NBEA: variants seen among roughly 807,000 people sequenced by gnomAD.
NBEA encodes the protein neurobeachin.
A neutral mutation model predicts 343.4 loss-of-function variants in NBEA; 44 were observed. The observed-to-expected ratio is 0.13, with a 90% CI of 0.10 to 0.16. The LOEUF (loss-of-function observed/expected upper bound fraction) is 0.16. NBEA is among the 10% of genes least tolerant of loss of function. The pLI, the probability that NBEA is intolerant of heterozygous loss-of-function variation, is 1.00. For synonymous variants in NBEA, 1,175 were observed against 1,238.7 expected (o/e 0.95, Z 1.08); for missense variants, 2,555 against 3,631.3 (o/e 0.70, Z 7.62).
intron 36 of NBEA, among the ~76,000 whole-genome samples, chr13:35,342,278 G>A (rs183501310): frequency 5.9e-5 from 9 of 152,174 alleles, no homozygotes; most frequent in South Asian, 2.1e-4. Context: ...TATATAGTTC[G>A]TGGTTCCACA....
rs540310578 is a variant in NBEA, at chr13:35,237,187, T to C, written c.5776+4568T>C. On this transcript the variant is annotated intron_variant, in intron 34 of 58. Coordinates refer to ENST00000379939, the MANE Select transcript of NBEA (RefSeq NM_001385012.1). ...TGGGAGGATTGCTTGAGTGGGAGAT[T>C]GAGGCTGCAGTGAGCCACGATCGTA... 2.8e-4 allele frequency among the ~76,000 whole-genome samples: 43 copies of C among 152,068 alleles called. 1 individual carries two copies. In the South Asian group the frequency reaches 8.1e-3, roughly 29 times the overall value.
At chr13:35,184,904 A>G (rs767219881) in intron 30 of NBEA, among the ~76,000 whole-genome samples, 1 of 152,148 alleles carries the variant, frequency 6.6e-6, no homozygotes, top group Non-Finnish European at 1.5e-5. Context: ...CGCACTCTGC[A>G]AAATTCCTGG....
At chr13:35,306,253 G>A (rs961551391) in intron 35 of NBEA, among the ~76,000 whole-genome samples, 5 of 151,800 alleles carry the variant, frequency 3.3e-5, no homozygotes, top group Admixed American at 2.6e-4. Flanking sequence ...GTTATATTAT[G>A]TATTATATTG....
intron 18 of NBEA, among the ~76,000 whole-genome samples, chr13:35,148,636 C>CTCAACTCAT (rs2068584391): frequency 6.6e-6 from 1 of 152,154 alleles, no homozygotes; most frequent in African/African-American, 2.4e-5. Flanking sequence ...TACACATATG[C>CTCAACTCAT]ACACAGAACT....
intron 1 of NBEA, among the ~76,000 whole-genome samples, chr13:35,003,981 A>G (rs1354156240): frequency 1.3e-5 from 2 of 151,942 alleles, no homozygotes; most frequent in African/African-American, 2.4e-5. Context: ...CCCTGTGTCC[A>G]TGTGTTCTCA....
At chr13:35,200,643 C>G (rs1241014454) in intron 31 of NBEA, among the ~76,000 whole-genome samples, 1 of 151,854 alleles carries the variant, frequency 6.6e-6, no homozygotes, top group East Asian at 1.9e-4. Context: ...ATTCAAATTA[C>G]TGGGTTTGAT....
chr13:35,462,948 A>G (rs896365579), intron 40 of NBEA, among the ~76,000 whole-genome samples: 1 of 152,192 alleles, frequency 6.6e-6, no homozygotes, highest in Admixed American at 6.5e-5. Context: ...GGAGATGAAG[A>G]TGCGTGATCT....
chr13:35,312,461 A>G (rs1272051199), intron 36 of NBEA, among the ~76,000 whole-genome samples: 3 of 152,210 alleles, frequency 2.0e-5, no homozygotes, highest in African/African-American at 7.2e-5. Flanking sequence ...GCCAGCAGCT[A>G]TTTAAATGCA....
At chr13:35,245,746 C>T (rs2152782323) in intron 34 of NBEA, among the ~76,000 whole-genome samples, 1 of 152,234 alleles carries the variant, frequency 6.6e-6, no homozygotes, top group Non-Finnish European at 1.5e-5. Flanking sequence ...CTTTAGGTAA[C>T]CTGATGACAG....
At chr13:35,146,830 T>C (rs1449632653) in intron 18 of NBEA, among the ~76,000 whole-genome samples, 7 of 152,150 alleles carry the variant, frequency 4.6e-5, no homozygotes, top group African/African-American at 1.4e-4. Flanking sequence ...ATCTCTATTA[T>C]TGAATACCAC....
intron 47 of NBEA, among the ~76,000 whole-genome samples, chr13:35,593,801 A>G (rs1453291956): frequency 6.6e-6 from 1 of 152,100 alleles, no homozygotes; most frequent in East Asian, 1.9e-4. Flanking sequence ...AATGTGTCAT[A>G]TTGTTATAGC....
At chr13:35,566,862 C>T (rs750187953) in intron 44 of NBEA, 43 bp from the exon 45 acceptor site, 1 of 1,051,028 alleles carries the variant, frequency 9.5e-7, no homozygotes, top group Admixed American at 2.0e-5. Context: ...ATTTCATAAG[C>T]ATTTTGTGTG....
At chr13:35,568,113 G>A (rs933941026) in intron 45 of NBEA, among the ~76,000 whole-genome samples, 2 of 152,190 alleles carry the variant, frequency 1.3e-5, no homozygotes, top group Non-Finnish European at 2.9e-5. Flanking sequence ...TTGGCACATA[G>A]AAGCACTTCC....
intron 2 of NBEA, among the ~76,000 whole-genome samples, chr13:35,042,700 C>A (rs140509249): frequency 1.3e-4 from 19 of 151,706 alleles, no homozygotes; most frequent in African/African-American, 4.3e-4. Context: ...CAAAATTTTT[C>A]ACTTTTTGTA....
At chr13:35,383,989 A>C (rs556209111) in intron 38 of NBEA, among the ~76,000 whole-genome samples, 1 of 152,154 alleles carries the variant, frequency 6.6e-6, no homozygotes, top group East Asian at 1.9e-4. Flanking sequence ...GCCAAAAGAG[A>C]GTCAATCTGG....
At chr13:35,136,080 A>C (rs1785394445) in intron 17 of NBEA, among the ~76,000 whole-genome samples, 1 of 152,150 alleles carries the variant, frequency 6.6e-6, no homozygotes, top group African/African-American at 2.4e-5. Flanking sequence ...CTCCCCCTCC[A>C]AAACAACAAA....
chr13:35,476,284 A>T lies in NBEA; in HGVS notation c.6585+3748A>T, dbSNP rs985915453. 6.8e-6 allele frequency: 9 copies of T among 1,324,936 alleles called. No homozygotes were observed. The African/African-American group carries it at 1.2e-4, about 18-fold the overall frequency. The allele number at this position is 1,324,936 out of a possible 1,614,324, so 82.1% of individuals were successfully genotyped here. On this transcript the variant is annotated intron_variant, in intron 41 of 58. Coordinates refer to ENST00000379939, the MANE Select transcript of NBEA (RefSeq NM_001385012.1). ...CAAAAATGCCTTTCGGAAGTGCTGC[A>T]GCGTTGGTTTCCCTGCTGCTGCTGC...
rs35174924 is a variant in NBEA, at chr13:35,594,992, A to ACACACACAC, written c.7296+1545_7296+1546insCACACACAC. On this transcript the variant is annotated intron_variant, in intron 47 of 58. Transcript: ENST00000379939. ...ACACACACACACACACACACACACA[A>ACACACACAC]ATTGGCTTTTCAACTTAATTCAGAG... is the stretch of plus-strand genomic sequence containing the variant. 6.0e-3 allele frequency among the ~76,000 whole-genome samples: 778 copies of ACACACACAC among 130,660 alleles called. 10 individuals are homozygous for ACACACACAC. The highest frequency in any genetic ancestry group is 8.0e-3 in the Non-Finnish European group (497 of 62,468). The allele number at this position is 130,660 out of a possible 152,430, so 85.7% of individuals were successfully genotyped here. A position where few individuals can be genotyped will look rare whatever the true frequency, so the allele number is the denominator to read the frequency against.
intron 8 of NBEA, among the ~76,000 whole-genome samples, chr13:35,062,701 A>G (rs1320785332): frequency 6.6e-6 from 1 of 151,886 alleles, no homozygotes. Context: ...AAAGTTCTGA[A>G]AGGAAGAAAA....
Sources: gnomAD v4.1 joint callset for allele counts (sites outside exome capture counted in the v4.1 genomes callset) on GRCh38, gnomAD v4.1.1 for gene constraint, MANE v1.5 for transcripts, NCBI Gene and HGNC (gene_info 2026-07-23, HGNC 2026-07-21) for gene names.